Variants in AK5 observed in about 807,000 individuals in gnomAD.
The protein encoded by AK5 is adenylate kinase 5.
In AK5, 27 loss-of-function variants were observed where a neutral mutation model predicts 69.5. The ratio of observed to expected loss-of-function variants is 0.39; its 90% CI spans 0.29 to 0.54. AK5 has a LOEUF of 0.54. AK5 is among the 20% of genes least tolerant of loss of function. AK5 has a pLI of 0.71. For synonymous variants in AK5, 260 were observed against 244.4 expected (o/e 1.06, Z -0.60); for missense variants, 531 against 700.4 (o/e 0.76, Z 2.73).
rs1017079418 is a variant in AK5, at chr1:77,486,313, A to T, written c.1108A>T (p.Met370Leu). Residue 370 changes from methionine (M) to leucine (L), a missense_variant, in exon 10 of 14, where the codon ATG (methionine) becomes TTG (leucine). Met to Leu is a conservative substitution (Grantham distance 15). Transcript: ENST00000354567. Reference sequence around the variant, plus strand: ...AAGTTATTCTTATTTTAAAGGTTTCATGGAAGATTTGAGAAAGTGTAAAAT... The same window carrying T: ...AAGTTATTCTTATTTTAAAGGTTTCTTGGAAGATTTGAGAAAGTGTAAAAT... ...VFGEDTMGGF[M>L]EDLRKCKIIF... 1.9e-6 allele frequency: 3 copies of T among 1,577,216 alleles called. No homozygotes were observed. The highest frequency in any genetic ancestry group is 2.6e-6 in the Non-Finnish European group (3 of 1,149,320).
intron 12 of AK5, among the ~76,000 whole-genome samples, chr1:77,525,409 G>T (rs550941389): frequency 6.6e-6 from 1 of 152,320 alleles, no homozygotes; most frequent in East Asian, 1.9e-4. Flanking sequence ...TTGGCTCATG[G>T]TTCTGCAGCC....
chr1:77,492,652 C>T (rs1202583285), intron 10 of AK5, among the ~76,000 whole-genome samples: 1 of 152,190 alleles, frequency 6.6e-6, no homozygotes, highest in Non-Finnish European at 1.5e-5. Context: ...GAAAATAGCG[C>T]ATCTGCTGAA....
Position 77,303,763 on chromosome 1 carries a change from A to G in AK5, c.699+5816A>G, listed in dbSNP as rs143838313. Among the ~76,000 whole-genome samples, 383 of 152,354 alleles carry G rather than the reference A, an allele frequency of 2.5e-3. 3 individuals carry two copies. The highest frequency in any genetic ancestry group is 8.7e-3 in the African/African-American group (362 of 41,582). On this transcript the variant is annotated intron_variant, in intron 5 of 13. Coordinates refer to ENST00000354567, the MANE Select transcript of AK5 (RefSeq NM_174858.3). ...GCCCTGGGACATTGTAGACATCTGC[A>G]TGTTGAAAGCTAGGTCACTGCCATG...
At chr1:77,352,518 G>A (rs779761072) in intron 6 of AK5, among the ~76,000 whole-genome samples, 12 of 152,204 alleles carry the variant, frequency 7.9e-5, no homozygotes, top group Admixed American at 2.6e-4. Flanking sequence ...TCCAAGTAGA[G>A]TTAAACACCC....
intron 13 of AK5, among the ~76,000 whole-genome samples, chr1:77,536,620 A>T (rs1298102140): frequency 1.3e-5 from 2 of 152,186 alleles, no homozygotes; most frequent in African/African-American, 4.8e-5. Flanking sequence ...TTCCCAAAAA[A>T]GAGAGAGAGG....
chr1:77,325,838 C>A (rs1044052091), intron 5 of AK5, among the ~76,000 whole-genome samples: 5 of 151,762 alleles, frequency 3.3e-5, no homozygotes, highest in African/African-American at 4.8e-5. Context: ...CCTATCAGTG[C>A]ATTTCCAGGT....
intron 1 of AK5, among the ~76,000 whole-genome samples, chr1:77,285,226 TTATTTATTAATGAGG>T (rs1361642218): frequency 6.6e-6 from 1 of 152,180 alleles, no homozygotes; most frequent in African/African-American, 2.4e-5. Flanking sequence ...ACAGAGGCTT[TTATTTATTAATGAGG>T]CTAATACTGG....
chr1:77,390,157 C>T lies in AK5; in HGVS notation c.892-20824C>T, dbSNP rs3892546. Among the ~76,000 whole-genome samples, 443 of 152,154 alleles carry T rather than the reference C, an allele frequency of 2.9e-3. 9 individuals are homozygous for T. Among genetic ancestry groups the T allele is most frequent in the Admixed American group, 0.026 (391 of 15,282 alleles). On this transcript the variant is annotated intron_variant, in intron 6 of 13. Coordinates refer to ENST00000354567, the MANE Select transcript of AK5 (RefSeq NM_174858.3). Reference sequence around the variant, plus strand: ...GGATAATTAGCCATTCAGTAAGAGACCTGCAGAATATTAAGAAATTCATTC... The same window carrying T: ...GGATAATTAGCCATTCAGTAAGAGATCTGCAGAATATTAAGAAATTCATTC...
At chr1:77,314,881 G>T (rs549688103) in intron 5 of AK5, 84 of 152,194 alleles carry the variant, frequency 5.5e-4, no homozygotes, top group Middle Eastern at 3.4e-3. Context: ...GAGAAGATGA[G>T]AGCTTTTCAC....
intron 13 of AK5, among the ~76,000 whole-genome samples, chr1:77,543,527 A>AT (rs113367842): frequency 0.14 from 12,871 of 89,816 alleles, 1,094 homozygotes; most frequent in African/African-American, 0.25. Context: ...ACATTGCTCT[A>AT]TTTTTTTTTT....
At chr1:77,532,135 C>G (rs899772668) in intron 12 of AK5, 1 of 155,442 alleles carries the variant, frequency 6.4e-6, no homozygotes, top group Non-Finnish European at 1.4e-5. Context: ...GCTAAGGAAG[C>G]CGGCTCCGGC....
chr1:77,505,877 A>T (rs1164997317), intron 10 of AK5, among the ~76,000 whole-genome samples: 1 of 152,140 alleles, frequency 6.6e-6, no homozygotes, highest in Non-Finnish European at 1.5e-5. Context: ...GCAACAGAGC[A>T]AGACTCCATC....
chr1:77,447,209 G>A (rs1170545161), intron 8 of AK5, among the ~76,000 whole-genome samples: 3 of 152,228 alleles, frequency 2.0e-5, no homozygotes, highest in Non-Finnish European at 4.4e-5. Flanking sequence ...TAAGAAGAAA[G>A]ACAAGTTCCA....
intron 5 of AK5, among the ~76,000 whole-genome samples, chr1:77,329,171 A>G (rs1038156687): frequency 4.8e-5 from 7 of 147,140 alleles, no homozygotes; most frequent in African/African-American, 1.8e-4. Flanking sequence ...ATAAAGATTC[A>G]TATACTAGTT....
Position 77,537,279 on chromosome 1 carries a change from C to A in AK5, c.1620+1241C>A, listed in dbSNP as rs143437924. On this transcript the variant is annotated intron_variant, in intron 13 of 13. Coordinates refer to ENST00000354567, the MANE Select transcript of AK5 (RefSeq NM_174858.3). ...CCCAAGTGGAGAAGGTCAGGAAAAC[C>A]AAGTAACTCCACGAGGCTGTGACAT... Among the ~76,000 whole-genome samples, 627 of 152,068 alleles carry A rather than the reference C, an allele frequency of 4.1e-3. 6 individuals are homozygous for A. Among genetic ancestry groups the A allele is most frequent in the African/African-American group, 0.014 (578 of 41,472 alleles).
intron 8 of AK5, among the ~76,000 whole-genome samples, chr1:77,463,034 T>G (rs577729790): frequency 6.6e-6 from 1 of 152,344 alleles, no homozygotes; most frequent in South Asian, 2.1e-4. Flanking sequence ...GAATCTAGAT[T>G]CTAATGGGAT....
chr1:77,418,006 T>G (rs1650543704), intron 8 of AK5, among the ~76,000 whole-genome samples: 1 of 152,210 alleles, frequency 6.6e-6, no homozygotes, highest in East Asian at 1.9e-4. Context: ...TGCCTGTGTC[T>G]CTATCCCTTC....
chr1:77,378,551 C>T (rs1002327679), intron 6 of AK5, among the ~76,000 whole-genome samples: 1 of 152,312 alleles, frequency 6.6e-6, no homozygotes. Flanking sequence ...AAATTCCTGA[C>T]CTCAAGTGAT....
At chr1:77,328,081 G>A (rs1169234020) in intron 5 of AK5, among the ~76,000 whole-genome samples, 3 of 152,270 alleles carry the variant, frequency 2.0e-5, no homozygotes, top group Non-Finnish European at 1.5e-5. Flanking sequence ...CTGAATAAAT[G>A]TATAAATAAA....
Sources: allele counts gnomAD v4.1 joint callset (sites outside exome capture counted in the v4.1 genomes callset), GRCh38; gene constraint gnomAD v4.1.1; transcripts MANE v1.5; gene names NCBI Gene and HGNC (gene_info 2026-07-23, HGNC 2026-07-21).